Variants in PHACTR1 observed in about 807,000 individuals in gnomAD.
The protein encoded by PHACTR1 is phosphatase and actin regulator 1.
A neutral mutation model predicts 69.2 loss-of-function variants in PHACTR1; 16 were observed. That is an observed-to-expected ratio of 0.23 (90% CI 0.16 to 0.35). PHACTR1 has a LOEUF of 0.35. Ranked by LOEUF, PHACTR1 falls within the 10% of genes least tolerant of loss-of-function variation. PHACTR1 has a pLI of 1.00. For synonymous variants in PHACTR1, 312 were observed against 284.5 expected (o/e 1.10, Z -0.97); for missense variants, 510 against 734.7 (o/e 0.69, Z 3.54).
chr6:13,192,243 T>C (rs980380557), intron 7 of PHACTR1, among the ~76,000 whole-genome samples: 1 of 152,198 alleles, frequency 6.6e-6, no homozygotes, highest in Non-Finnish European at 1.5e-5. Flanking sequence ...CAAATCCTTT[T>C]GGAGGAATCA....
intron 7 of PHACTR1, among the ~76,000 whole-genome samples, chr6:13,187,453 A>T (rs1150606): frequency 0.72 from 109,154 of 152,030 alleles, 39,807 homozygotes; most frequent in East Asian, 0.87. Context: ...GTCATTGAAG[A>T]GTTGGCTGAG....
intron 10 of PHACTR1, 76 bp downstream of exon 10, chr6:13,230,269 C>A: frequency 6.4e-7 from 1 of 1,550,502 alleles, no homozygotes. Flanking sequence ...AATTCAGTCT[C>A]GGCCGGGCGC....
chr6:13,049,246 G>A (rs991235093), intron 4 of PHACTR1, among the ~76,000 whole-genome samples: 2 of 144,534 alleles, frequency 1.4e-5, no homozygotes, highest in Non-Finnish European at 2.9e-5. Flanking sequence ...GGTTCTCATG[G>A]CACTTTTTTT....
intron 5 of PHACTR1, among the ~76,000 whole-genome samples, chr6:13,121,404 T>C (rs562251775): frequency 4.6e-5 from 7 of 152,190 alleles, no homozygotes; most frequent in Non-Finnish European, 8.8e-5. Flanking sequence ...AATGGTAATA[T>C]AGTACTTCCT....
chr6:13,253,807 C>T (rs534570871), intron 10 of PHACTR1, among the ~76,000 whole-genome samples: 3 of 152,340 alleles, frequency 2.0e-5, no homozygotes, highest in African/African-American at 7.2e-5. Flanking sequence ...ATCTGTGCCT[C>T]CACATTGGGC....
intron 4 of PHACTR1, among the ~76,000 whole-genome samples, chr6:12,901,490 GC>G (rs1465511793): frequency 6.6e-6 from 1 of 152,062 alleles, no homozygotes; most frequent in East Asian, 1.9e-4. Context: ...TGGATTTCAC[GC>G]ATTTTTTGGT....
intron 4 of PHACTR1, among the ~76,000 whole-genome samples, chr6:12,979,953 T>C (rs549755267): frequency 6.6e-6 from 1 of 152,352 alleles, no homozygotes; most frequent in South Asian, 2.1e-4. Context: ...CAAAATGTTC[T>C]TTTTTGTTTG....
chr6:12,762,085 T>G (rs1175969473), intron 4 of PHACTR1, among the ~76,000 whole-genome samples: 1 of 152,226 alleles, frequency 6.6e-6, no homozygotes, highest in Non-Finnish European at 1.5e-5. Flanking sequence ...GCGGGACCTA[T>G]AAATGCCTTC....
At chr6:13,181,268 G>C (rs750723161) in intron 6 of PHACTR1, among the ~76,000 whole-genome samples, 1 of 151,978 alleles carries the variant, frequency 6.6e-6, no homozygotes, top group Non-Finnish European at 1.5e-5. Context: ...AACTAGAGGT[G>C]GAACATAGCA....
chr6:13,253,762 C>G (rs1774816073), intron 10 of PHACTR1, among the ~76,000 whole-genome samples: 1 of 152,230 alleles, frequency 6.6e-6, no homozygotes, highest in Non-Finnish European at 1.5e-5. Context: ...CAGCAGTCTC[C>G]TTTCCTGCGG....
At chr6:13,192,898 C>T (rs1441114938) in intron 7 of PHACTR1, among the ~76,000 whole-genome samples, 1 of 152,156 alleles carries the variant, frequency 6.6e-6, no homozygotes, top group Non-Finnish European at 1.5e-5. Context: ...TAGCAGGATA[C>T]TTGCATTTTA....
intron 4 of PHACTR1, among the ~76,000 whole-genome samples, chr6:13,030,143 T>A (rs1802248384): frequency 6.6e-6 from 1 of 152,236 alleles, no homozygotes; most frequent in Non-Finnish European, 1.5e-5. Context: ...ATTTTTATAC[T>A]CCTGGCCTTT....
At chr6:12,890,843 CT>C (rs1343066109) in intron 4 of PHACTR1, among the ~76,000 whole-genome samples, 1 of 152,146 alleles carries the variant, frequency 6.6e-6, no homozygotes, top group Non-Finnish European at 1.5e-5. Context: ...TTTAACCTTC[CT>C]AATAATTTGC....
intron 4 of PHACTR1, among the ~76,000 whole-genome samples, chr6:12,809,195 G>C (rs1259653888): frequency 1.3e-5 from 2 of 152,024 alleles, no homozygotes; most frequent in Admixed American, 6.6e-5. Context: ...GCCATCTACT[G>C]TCTTACTTTT....
At chr6:12,820,326 G>A (rs543426391) in intron 4 of PHACTR1, among the ~76,000 whole-genome samples, 35 of 152,150 alleles carry the variant, frequency 2.3e-4, no homozygotes, top group South Asian at 1.2e-3. Flanking sequence ...GACTACAGGC[G>A]CATGCCACCA....
intron 10 of PHACTR1, among the ~76,000 whole-genome samples, chr6:13,232,530 C>T (rs1771375929): frequency 6.6e-6 from 1 of 152,210 alleles, no homozygotes; most frequent in South Asian, 2.1e-4. Context: ...GTGATAGTTA[C>T]AGCTCTCTAG....
chr6:12,801,316 G>A (rs1773668971), intron 4 of PHACTR1, among the ~76,000 whole-genome samples: 1 of 152,130 alleles, frequency 6.6e-6, no homozygotes, highest in Non-Finnish European at 1.5e-5. Context: ...GTCAACAGTG[G>A]CCACGTGCCT....
chr6:13,280,742 G>C (rs917158771), intron 12 of PHACTR1: 4 of 335,986 alleles, frequency 1.2e-5, no homozygotes, highest in African/African-American at 6.5e-5. Flanking sequence ...CCTGCGGCCA[G>C]GCGCAGTGGC....
chr6:12,880,111 A>T (rs1455315006), intron 4 of PHACTR1, among the ~76,000 whole-genome samples: 1 of 152,174 alleles, frequency 6.6e-6, no homozygotes, highest in Non-Finnish European at 1.5e-5. Flanking sequence ...GGTAGGTACT[A>T]TGATCACCAA....
Sources: allele counts gnomAD v4.1 joint callset (sites outside exome capture counted in the v4.1 genomes callset), GRCh38; gene constraint gnomAD v4.1.1; transcripts MANE v1.5; gene names NCBI Gene and HGNC (gene_info 2026-07-23, HGNC 2026-07-21).